Variants in NXPE4 observed in about 807,000 individuals in gnomAD.
The protein encoded by NXPE4 is neurexophilin and PC-esterase domain family member 4.
Under a neutral mutation model 33.3 loss-of-function variants are expected in NXPE4, and 42 were observed. That is an observed-to-expected ratio of 1.26 (90% CI 0.98 to 1.63). The LOEUF is 1.63. Among genes scored for constraint, NXPE4 ranks in the 40% most tolerant of loss-of-function variants. The pLI, the probability that NXPE4 is intolerant of heterozygous loss-of-function variation, is 0.00. For missense variants in NXPE4, 709 were observed against 647.6 expected, an observed-to-expected ratio of 1.09 and a Z score of -1.03; for synonymous variants, 253 against 234.9, an observed-to-expected ratio of 1.08 and a Z score of -0.71.
At chr11:114,656,805 G>A in the NXPE4 span, among the ~76,000 whole-genome samples, 8 of 152,056 alleles carry the variant, frequency 5.3e-5, no homozygotes, top group African/African-American at 1.9e-4. Flanking sequence ...ACTAGTAGTA[G>A]TAGTGTTTAA....
At chr11:114,633,225 T>A in the NXPE4 span, among the ~76,000 whole-genome samples, 75 of 133,074 alleles carry the variant, frequency 5.6e-4, 1 homozygote, top group African/African-American at 2.0e-3. Flanking sequence ...ATTATATATA[T>A]AAATATATGT....
At chr11:114,636,195 G>C in the NXPE4 span, among the ~76,000 whole-genome samples, 1 of 151,870 alleles carries the variant, frequency 6.6e-6, no homozygotes, top group Non-Finnish European at 1.5e-5. Flanking sequence ...GTCTTAGGAG[G>C]GTGTATGTGT....
the NXPE4 span, among the ~76,000 whole-genome samples, chr11:114,628,959 A>G: frequency 1.3e-5 from 2 of 152,198 alleles, no homozygotes; most frequent in East Asian, 3.9e-4. Context: ...ACACCCTCCC[A>G]AGACTAAACA....
At chr11:114,660,481 A>T in the NXPE4 span, among the ~76,000 whole-genome samples, 3 of 152,062 alleles carry the variant, frequency 2.0e-5, no homozygotes, top group Non-Finnish European at 2.9e-5. Flanking sequence ...AATCAAAGTA[A>T]TCACCATATC....
At chr11:114,603,855 T>G in the NXPE4 span, among the ~76,000 whole-genome samples, 1 of 151,330 alleles carries the variant, frequency 6.6e-6, no homozygotes, top group South Asian at 2.1e-4. Context: ...TATTGCCTCC[T>G]CTCCTAGGTA....
chr11:114,611,996 A>G, the NXPE4 span, among the ~76,000 whole-genome samples: 2 of 151,924 alleles, frequency 1.3e-5, no homozygotes, highest in African/African-American at 4.8e-5. Flanking sequence ...TACCCAGTGG[A>G]TAATAAGTCA....
the NXPE4 span, among the ~76,000 whole-genome samples, chr11:114,661,767 A>G: frequency 6.6e-6 from 1 of 152,252 alleles, no homozygotes; most frequent in Non-Finnish European, 1.5e-5. Context: ...AGTTCAATTC[A>G]AAACTTGCTA....
At chr11:114,607,033 A>G in the NXPE4 span, among the ~76,000 whole-genome samples, 1 of 151,340 alleles carries the variant, frequency 6.6e-6, no homozygotes, top group Non-Finnish European at 1.5e-5. Flanking sequence ...ACGGTTACCC[A>G]GTGGATAATA....
At chr11:114,653,393 A>AT in the NXPE4 span, among the ~76,000 whole-genome samples, 1 of 151,796 alleles carries the variant, frequency 6.6e-6, no homozygotes, top group African/African-American at 2.4e-5. Flanking sequence ...TAAACCATCT[A>AT]TTTTTTTTCT....
chr11:114,662,031 G>T, the NXPE4 span, among the ~76,000 whole-genome samples: 1 of 152,056 alleles, frequency 6.6e-6, no homozygotes, highest in Admixed American at 6.6e-5. Flanking sequence ...CCTACCCCCC[G>T]CAAGGACACC....
chr11:114,639,056 C>T, the NXPE4 span, among the ~76,000 whole-genome samples: 1 of 152,098 alleles, frequency 6.6e-6, no homozygotes, highest in African/African-American at 2.4e-5. Flanking sequence ...TTTGTCTGTG[C>T]CCTGCCCCCA....
the NXPE4 span, among the ~76,000 whole-genome samples, chr11:114,624,586 A>G: frequency 6.9e-6 from 1 of 145,750 alleles, no homozygotes; most frequent in Non-Finnish European, 1.5e-5. Flanking sequence ...ACCACTGTTA[A>G]CTGGTGGATT....
chr11:114,588,940 C>T (rs1949375425), intron 2 of NXPE4, among the ~76,000 whole-genome samples: 1 of 152,108 alleles, frequency 6.6e-6, no homozygotes, highest in South Asian at 2.1e-4. Context: ...TTTGGAGAAC[C>T]TCCTGAGGGT....
the NXPE4 span, among the ~76,000 whole-genome samples, chr11:114,615,647 G>C: frequency 1.3e-5 from 2 of 151,462 alleles, no homozygotes; most frequent in Admixed American, 1.3e-4. Flanking sequence ...GTTGCCTCTA[G>C]GGTAACCACT....
At chr11:114,588,688 G>T (rs1282959080) in intron 2 of NXPE4, among the ~76,000 whole-genome samples, 1 of 152,104 alleles carries the variant, frequency 6.6e-6, no homozygotes, top group Non-Finnish European at 1.5e-5. Context: ...GTGCATATTG[G>T]GGGGCCTATG....
chr11:114,673,411 T>G, the NXPE4 span, among the ~76,000 whole-genome samples: 1 of 151,482 alleles, frequency 6.6e-6, no homozygotes, highest in Non-Finnish European at 1.5e-5. Context: ...ACTTTTCACC[T>G]AAGGACACTG....
intron 5 of NXPE4, among the ~76,000 whole-genome samples, chr11:114,576,625 A>G (rs1037881231): frequency 2.6e-5 from 4 of 152,120 alleles, no homozygotes; most frequent in African/African-American, 4.8e-5. Context: ...GGGAAATGCA[A>G]ATCAAAACCA....
the NXPE4 span, among the ~76,000 whole-genome samples, chr11:114,640,165 T>TATAA: frequency 1.7e-5 from 1 of 59,790 alleles, no homozygotes; most frequent in African/African-American, 8.5e-5. Context: ...TAATAATATA[T>TATAA]ATAAATAATT....
chr11:114,589,872 G>T (rs1204269766), intron 2 of NXPE4, among the ~76,000 whole-genome samples: 1 of 152,168 alleles, frequency 6.6e-6, no homozygotes, highest in African/African-American at 2.4e-5. Flanking sequence ...ATGCAGAATG[G>T]AGATTCATTA....
Sources: allele counts gnomAD v4.1 joint callset (sites outside exome capture counted in the v4.1 genomes callset), GRCh38; gene constraint gnomAD v4.1.1; transcripts MANE v1.5; gene names NCBI Gene and HGNC (gene_info 2026-07-23, HGNC 2026-07-21).